The following PIEZO2 variants were observed in gnomAD, a reference collection of about 807,000 sequenced individuals.
PIEZO2 encodes piezo-type mechanosensitive ion channel component 2.
A neutral mutation model predicts 337.3 loss-of-function variants in PIEZO2; 172 were observed. The ratio of observed to expected loss-of-function variants is 0.51; its 90% CI spans 0.45 to 0.58. The LOEUF (loss-of-function observed/expected upper bound fraction) is 0.58. Ranked by LOEUF, PIEZO2 falls within the 20% of genes least tolerant of loss-of-function variation. PIEZO2 has a pLI of 0.00. For missense variants in PIEZO2, 3,028 were observed against 3,391.3 expected, an observed-to-expected ratio of 0.89 and a Z score of 2.66; for synonymous variants, 1,251 against 1,228.5, an observed-to-expected ratio of 1.02 and a Z score of -0.38.
chr18:10,686,327 C>T (rs1180565638), intron 49 of PIEZO2, among the ~76,000 whole-genome samples: 1 of 152,210 alleles, frequency 6.6e-6, no homozygotes. Context: ...TTTCTCTTCT[C>T]TCTCTGGGTC....
chr18:10,693,405 T>A (rs2034943970), intron 47 of PIEZO2, among the ~76,000 whole-genome samples: 1 of 150,196 alleles, frequency 6.7e-6, no homozygotes, highest in Admixed American at 6.6e-5. Context: ...TCTCACTCTT[T>A]GTCACCCAGG....
chr18:10,817,358 T>G (rs1416215779), intron 7 of PIEZO2, among the ~76,000 whole-genome samples: 1 of 152,204 alleles, frequency 6.6e-6, no homozygotes, highest in Non-Finnish European at 1.5e-5. Flanking sequence ...TGAGATTTGA[T>G]CTCTTAAATA....
intron 42 of PIEZO2, among the ~76,000 whole-genome samples, chr18:10,702,862 T>C (rs1302113216): frequency 2.6e-5 from 4 of 152,162 alleles, no homozygotes; most frequent in African/African-American, 9.7e-5. Context: ...AAATATTTTA[T>C]TTATTTTTTT....
chr18:10,742,255 AT>A (rs1343394353), intron 32 of PIEZO2, among the ~76,000 whole-genome samples: 2 of 152,264 alleles, frequency 1.3e-5, no homozygotes, highest in African/African-American at 4.8e-5. Context: ...TAGGTTATGT[AT>A]TTGTTAAAGC....
intron 1 of PIEZO2, among the ~76,000 whole-genome samples, chr18:11,079,326 G>C (rs912923812): frequency 2.0e-5 from 3 of 152,292 alleles, no homozygotes; most frequent in African/African-American, 7.2e-5. Context: ...AAGATGGATG[G>C]TTTAAGTCAA....
Position 10,742,509 on chromosome 18 carries a change from C to G in PIEZO2, c.4621G>C (p.Glu1541Gln), listed in dbSNP as rs2037263419. 6.5e-7 allele frequency: 1 copy of G among 1,537,048 alleles called. No homozygotes were observed. Among genetic ancestry groups the G allele is most frequent in the Admixed American group, 2.0e-5 (1 of 50,972 alleles). ...GEGQDMQKLS[E>Q]EDDEREADKQ... Reference sequence around the variant, plus strand: ...CTTGACATACTTTCATCATCCTCTTCAGAGAGTTTTTGCATGTCCTGGCCT... The same window carrying G: ...CTTGACATACTTTCATCATCCTCTTGAGAGAGTTTTTGCATGTCCTGGCCT... The change falls in exon 32 of 56, where the codon GAA becomes CAA. Residue 1541 changes from glutamate to glutamine, a missense_variant. Physicochemically the swap from Glu to Gln is conservative, Grantham distance 29. Transcript: ENST00000674853.
chr18:11,088,758 C>T (rs1012432050), intron 1 of PIEZO2, among the ~76,000 whole-genome samples: 3 of 152,150 alleles, frequency 2.0e-5, no homozygotes, highest in Non-Finnish European at 4.4e-5. Flanking sequence ...TCCCATCAAC[C>T]CCCATTGGCT....
chr18:10,801,252 A>G, intron 10 of PIEZO2, 138 bp downstream of exon 10: 1 of 634,686 alleles, frequency 1.6e-6, no homozygotes, highest in Non-Finnish European at 2.6e-6. Flanking sequence ...AATCTACCAG[A>G]TATAATTTAT....
Position 10,773,685 on chromosome 18 carries a change from C to CT in PIEZO2, c.2568-57dup. 3 of 1,472,310 alleles carry CT rather than the reference C, an allele frequency of 2.0e-6. No individual in the cohort carries two copies. In the South Asian group the frequency reaches 3.6e-5, roughly 18 times the overall value. 91.2% of individuals were successfully genotyped at this position (1,472,310 alleles called of 1,614,324 possible). On this transcript the variant is annotated intron_variant, in intron 19 of 55. Transcript: ENST00000674853. The surrounding 1 kb of genome is among the most constrained non-coding windows in gnomAD (Gnocchi z 5.3). The stretch of plus-strand genomic sequence containing the variant: ...GGAAAGGGTGTTGGGAGAGATTTGA[C>CT]TGAGGGGCAAGTAAAAGGAGGATAA...
intron 2 of PIEZO2, among the ~76,000 whole-genome samples, chr18:11,051,147 G>C (rs1252077325): frequency 6.6e-6 from 1 of 152,148 alleles, no homozygotes; most frequent in Non-Finnish European, 1.5e-5. Flanking sequence ...AGAGACTTCA[G>C]AGAAACCCAC....
intron 20 of PIEZO2, among the ~76,000 whole-genome samples, chr18:10,771,394 G>A (rs1202294589): frequency 1.3e-5 from 2 of 152,228 alleles, no homozygotes; most frequent in Admixed American, 1.3e-4. Context: ...TAAAACAGGA[G>A]TCATGCTTCT....
In PIEZO2 at chr18:10,942,952, C is replaced by G. The variant is rs1010632206; in HGVS notation, c.287-31724G>C. On this transcript the variant is annotated intron_variant, in intron 3 of 55. Transcript: ENST00000674853. The surrounding 1 kb of genome is among the most constrained non-coding windows in gnomAD (Gnocchi z 4.4). ...CAACACAGAGCTTGGGCTATGGCAT[C>G]AGAGGGTGCAAGCTCCAAGCCTTGG... Among the ~76,000 whole-genome samples the G allele has an allele frequency of 2.0e-5, 3 of 152,314 alleles. No individual in the cohort carries two copies. Among genetic ancestry groups the G allele is most frequent in the African/African-American group, 7.2e-5 (3 of 41,574 alleles).
At chr18:11,059,951 T>C (rs1189050757) in intron 2 of PIEZO2, among the ~76,000 whole-genome samples, 1 of 152,178 alleles carries the variant, frequency 6.6e-6, no homozygotes, top group East Asian at 1.9e-4. Context: ...CAACAGAATA[T>C]ACATTCTTCT....
In PIEZO2 at chr18:10,724,848, G is replaced by A. The variant is rs1183538714; in HGVS notation, c.5029+6559C>T. ...TGCACCTGGGCCACGGCGGCCACAT[G>A]CGTCGCAGTGAGAGCACCTACTCTG... is the stretch of plus-strand genomic sequence containing the variant. On this transcript the variant is annotated intron_variant, in intron 36 of 55. Coordinates refer to ENST00000674853, the MANE Select transcript of PIEZO2 (RefSeq NM_001378183.1). This position sits in a 1 kb window ranked among gnomAD's most constrained non-coding sequence, Gnocchi z 5.8. The A allele has an allele frequency of 6.2e-6, 10 of 1,603,604 alleles. No individual in the cohort carries two copies. Among genetic ancestry groups the A allele is most frequent in the Non-Finnish European group, 7.7e-6 (9 of 1,174,828 alleles).
At position 11,036,994 on chromosome 18, in the gene PIEZO2, G is replaced by A. The variant is rs145394368; in HGVS notation, c.160+29133C>T. ...TTTGCATGTGTGTGTGTGACAGAGC[G>A]AGACTCTGTCGCCCAGGTTGGAGTG... On this transcript the variant is annotated intron_variant, in intron 2 of 55. Coordinates refer to ENST00000674853, the MANE Select transcript of PIEZO2 (RefSeq NM_001378183.1). Among the ~76,000 whole-genome samples, 703 of 152,108 alleles carry A rather than the reference G, an allele frequency of 4.6e-3. 1 individual carries two copies. Among genetic ancestry groups the A allele is most frequent in the Non-Finnish European group, 6.0e-3 (410 of 68,008 alleles).
chr18:11,139,126 C>T (rs764837372), intron 1 of PIEZO2, among the ~76,000 whole-genome samples: 1 of 152,200 alleles, frequency 6.6e-6, no homozygotes, highest in Non-Finnish European at 1.5e-5. Context: ...CTGCTCGAAG[C>T]ACTCTATAAG....
chr18:10,954,506 T>C lies in PIEZO2; in HGVS notation c.286+25029A>G. ...ATTTTGGTATGTTGATCTTGCATCCTGTGATGTTGACTTTTTGAAATATTC... is the reference window on the plus strand; with the variant it reads ...ATTTTGGTATGTTGATCTTGCATCCCGTGATGTTGACTTTTTGAAATATTC... On this transcript the variant is annotated intron_variant, in intron 3 of 55. Coordinates refer to ENST00000674853, the MANE Select transcript of PIEZO2 (RefSeq NM_001378183.1). This position sits in a 1 kb window ranked among gnomAD's most constrained non-coding sequence, Gnocchi z 4.2. Among the ~76,000 whole-genome samples the C allele has an allele frequency of 6.6e-6, 1 of 152,264 alleles. No homozygotes were observed. The highest frequency in any genetic ancestry group is 6.5e-5 in the Admixed American group (1 of 15,284).
At chr18:10,874,929 A>C (rs2042231825) in intron 4 of PIEZO2, among the ~76,000 whole-genome samples, 2 of 152,304 alleles carry the variant, frequency 1.3e-5, no homozygotes, top group South Asian at 2.1e-4. Flanking sequence ...TATTAATAAT[A>C]GTTTATTATA....
chr18:10,868,991 A>G (rs2042074676), intron 5 of PIEZO2, among the ~76,000 whole-genome samples: 1 of 152,232 alleles, frequency 6.6e-6, no homozygotes, highest in Non-Finnish European at 1.5e-5. Context: ...TTGGCCTCAA[A>G]ATATCTTCCC....
Sources: allele counts gnomAD v4.1 joint callset (sites outside exome capture counted in the v4.1 genomes callset), GRCh38; gene constraint gnomAD v4.1.1; non-coding constraint Gnocchi (gnomAD v3.1); transcripts MANE v1.5; gene names NCBI Gene and HGNC (gene_info 2026-07-23, HGNC 2026-07-21).